Variants in MYO1E observed in about 807,000 individuals in gnomAD.
MYO1E encodes myosin IE.
In MYO1E, 68 loss-of-function variants were observed where a neutral mutation model predicts 151.1. The ratio of observed to expected loss-of-function variants is 0.45; its 90% confidence interval spans 0.37 to 0.55. The LOEUF (loss-of-function observed/expected upper bound fraction) is 0.55, where lower values mean the gene tolerates loss of function less well. Among genes scored for constraint, MYO1E ranks in the 20% least tolerant of loss-of-function variants. The pLI is 0.00. For missense variants in MYO1E, 1,363 were observed against 1,389.3 expected (o/e 0.98, Z 0.30); for synonymous variants, 601 against 501.7 (o/e 1.20, Z -2.64).
intron 3 of MYO1E, among the ~76,000 whole-genome samples, chr15:59,259,592 T>G (rs561517988): frequency 6.6e-6 from 1 of 152,096 alleles, no homozygotes; most frequent in African/African-American, 2.4e-5. Context: ...AATGAGAAAG[T>G]AGAGGACTGT....
At chr15:59,173,221 A>C (rs2079605879) in intron 21 of MYO1E, among the ~76,000 whole-genome samples, 1 of 152,212 alleles carries the variant, frequency 6.6e-6, no homozygotes, top group South Asian at 2.1e-4. Flanking sequence ...CACTCCTATC[A>C]ATTTCTTCTA....
At chr15:59,219,568 A>G (rs1251227737) in intron 9 of MYO1E, among the ~76,000 whole-genome samples, 2 of 152,262 alleles carry the variant, frequency 1.3e-5, no homozygotes, top group African/African-American at 2.4e-5. Flanking sequence ...TTGAAAAAGT[A>G]TAATGCCAGA....
At chr15:59,313,453 C>G (rs570511668) in intron 1 of MYO1E, among the ~76,000 whole-genome samples, 12 of 152,184 alleles carry the variant, frequency 7.9e-5, no homozygotes, top group Admixed American at 7.2e-4. Context: ...TTGTGGTTAT[C>G]TAGGACCCTG....
chr15:59,338,284 CTT>C (rs35457560), intron 1 of MYO1E, among the ~76,000 whole-genome samples: 46 of 128,584 alleles, frequency 3.6e-4, no homozygotes, highest in Non-Finnish European at 4.1e-4. Flanking sequence ...TCAGTATTGA[CTT>C]TTTTTTTTTT....
intron 9 of MYO1E, among the ~76,000 whole-genome samples, chr15:59,222,500 G>A (rs1430203810): frequency 3.9e-5 from 6 of 152,124 alleles, no homozygotes; most frequent in African/African-American, 1.4e-4. Context: ...ATACAGATGT[G>A]ATCATTAAAA....
intron 1 of MYO1E, among the ~76,000 whole-genome samples, chr15:59,296,388 C>T (rs1331133024): frequency 6.6e-6 from 1 of 152,202 alleles, no homozygotes; most frequent in Non-Finnish European, 1.5e-5. Context: ...CATTACAAAC[C>T]AAAACAGATC....
chr15:59,191,332 C>CAGAGAGAGAGAG (rs34694267), intron 17 of MYO1E, among the ~76,000 whole-genome samples: 2,291 of 105,566 alleles, frequency 0.022, 83 homozygotes, highest in African/African-American at 0.061. Context: ...CAGACAGAGA[C>CAGAGAGAGAGAG]AGAGAGAGAG....
At chr15:59,244,216 A>G (rs1285646802) in intron 4 of MYO1E, among the ~76,000 whole-genome samples, 1 of 152,138 alleles carries the variant, frequency 6.6e-6, no homozygotes, top group East Asian at 1.9e-4. Flanking sequence ...ATTTTCACCT[A>G]CTCTGCCAAG....
intron 18 of MYO1E, among the ~76,000 whole-genome samples, chr15:59,186,420 T>C (rs1795803805): frequency 6.6e-6 from 1 of 151,498 alleles, no homozygotes; most frequent in South Asian, 2.1e-4. Context: ...AAAAAAACAT[T>C]ATATCCAGCC....
At chr15:59,291,458 G>C (rs925238284) in intron 1 of MYO1E, among the ~76,000 whole-genome samples, 7 of 151,884 alleles carry the variant, frequency 4.6e-5, no homozygotes, top group African/African-American at 1.7e-4. Context: ...TACAGAAGTA[G>C]CTGCTAGCTT....
intron 1 of MYO1E, among the ~76,000 whole-genome samples, chr15:59,322,504 TG>T (rs1188435560): frequency 3.3e-5 from 5 of 152,226 alleles, no homozygotes; most frequent in Admixed American, 6.5e-5. Context: ...AAATCTTTTG[TG>T]GTTAAACAAT....
intron 13 of MYO1E, among the ~76,000 whole-genome samples, chr15:59,209,353 T>C (rs1217303519): frequency 6.6e-6 from 1 of 152,196 alleles, no homozygotes; most frequent in East Asian, 1.9e-4. Context: ...GCTATACTTC[T>C]CTGTTCTGAT....
At chr15:59,207,655 C>T (rs1413685650) in intron 14 of MYO1E, 3 of 1,614,004 alleles carry the variant, frequency 1.9e-6, no homozygotes, top group Non-Finnish European at 2.5e-6. Flanking sequence ...TGGATGGATC[C>T]TCGGAGAGCA....
chr15:59,273,477 C>T (rs902043394), intron 1 of MYO1E, among the ~76,000 whole-genome samples: 2 of 152,242 alleles, frequency 1.3e-5, no homozygotes, highest in East Asian at 1.9e-4. Context: ...GTGATTCATG[C>T]GTCAATAACA....
chr15:59,280,117 G>C (rs1483606350), intron 1 of MYO1E, among the ~76,000 whole-genome samples: 3 of 152,094 alleles, frequency 2.0e-5, no homozygotes, highest in African/African-American at 7.2e-5. Flanking sequence ...ATTCCAGCTT[G>C]CAGATATAGC....
At chr15:59,321,141 C>G (rs2080623296) in intron 1 of MYO1E, among the ~76,000 whole-genome samples, 1 of 152,182 alleles carries the variant, frequency 6.6e-6, no homozygotes, top group Non-Finnish European at 1.5e-5. Context: ...GAGATACAAT[C>G]TCACACCAGT....
chr15:59,367,633 G>A (rs1195118282), intron 1 of MYO1E, among the ~76,000 whole-genome samples: 2 of 152,224 alleles, frequency 1.3e-5, no homozygotes. Context: ...GTAGGAAGGT[G>A]TGGATGTATG....
intron 18 of MYO1E, among the ~76,000 whole-genome samples, chr15:59,182,252 G>A (rs764182368): frequency 2.6e-5 from 4 of 151,512 alleles, no homozygotes; most frequent in Non-Finnish European, 5.9e-5. Flanking sequence ...CACTCTTGTC[G>A]CCCAGGCTGG....
chr15:59,161,094 G>T lies in MYO1E; in HGVS notation c.2764C>A (p.Pro922Thr). Residue 922 changes from proline (P) to threonine (T), a missense_variant, in exon 24 of 28, where the codon CCT (proline) becomes ACT (threonine). Transcript: ENST00000288235. ...TTACGGGAGTTCTTGGGCAGTCCAGGTCCGATGCTGACCTGCAGCACTTTG... is the reference window on the plus strand; with the variant it reads ...TTACGGGAGTTCTTGGGCAGTCCAGTTCCGATGCTGACCTGCAGCACTTTG... ...SNKVLQVSIG[P>T]GLPKNSRPTR... is the part of the protein sequence containing the mutation. 1 of 1,613,696 alleles carries T rather than the reference G, an allele frequency of 6.2e-7. No individual in the cohort carries two copies. The highest frequency in any genetic ancestry group is 1.1e-5 in the South Asian group (1 of 91,054).
Sources: gnomAD v4.1 joint callset for allele counts (sites outside exome capture counted in the v4.1 genomes callset) on GRCh38, gnomAD v4.1.1 for gene constraint, MANE v1.5 for transcripts, NCBI Gene and HGNC (gene_info 2026-07-23, HGNC 2026-07-21) for gene names.